Variants in TRIM67 observed in about 807,000 individuals in gnomAD.
TRIM67 encodes tripartite motif-containing protein 67.
TRIM67 carries 39 observed loss-of-function variants against 71.0 expected under a neutral mutation model. That is an observed-to-expected ratio of 0.55 (90% CI 0.43 to 0.72). The LOEUF (loss-of-function observed/expected upper bound fraction) is 0.72. TRIM67 is among the 30% of genes least tolerant of loss of function. TRIM67 has a pLI of 0.00. For missense variants in TRIM67, 973 were observed against 1,079.2 expected (o/e 0.90, Z 1.38); for synonymous variants, 481 against 473.9 (o/e 1.01, Z -0.19).
rs1468987851 is a variant in TRIM67 at position 231,185,229 on chromosome 1, A to G, written c.1045-12142A>G. 4.6e-6 allele frequency: 7 copies of G among 1,532,926 alleles called. No homozygotes were observed. In the Admixed American group the frequency reaches 1.2e-4, roughly 26 times the overall value. 95.0% of individuals were successfully genotyped at this position (1,532,926 alleles called of 1,614,324 possible). ...TCAGGATTCCCAGAGCCTTTATCTG[A>G]AAACTCCCTGTGAGAAAGGAGTCTC... On this transcript the variant is annotated intron_variant, in intron 1 of 9. Transcript: ENST00000366653.
intron 1 of TRIM67, among the ~76,000 whole-genome samples, chr1:231,178,033 A>G (rs1682801605): frequency 6.6e-6 from 1 of 152,218 alleles, no homozygotes; most frequent in South Asian, 2.1e-4. Flanking sequence ...GACAGTATGG[A>G]AAATGAGAAG....
intron 1 of TRIM67, among the ~76,000 whole-genome samples, chr1:231,186,984 G>A (rs773776047): frequency 6.6e-6 from 1 of 152,146 alleles, no homozygotes; most frequent in Non-Finnish European, 1.5e-5. Context: ...ATCCACGGCT[G>A]CCTCATCAGC....
chr1:231,214,678 C>T (rs1267432042), intron 9 of TRIM67, among the ~76,000 whole-genome samples: 1 of 148,972 alleles, frequency 6.7e-6, no homozygotes. Flanking sequence ...ACTCAGGAGG[C>T]TGAGGTAGGA....
intron 8 of TRIM67, among the ~76,000 whole-genome samples, chr1:231,211,593 C>T (rs1231593623): frequency 6.6e-6 from 1 of 152,214 alleles, no homozygotes; most frequent in Non-Finnish European, 1.5e-5. Context: ...TCGGGGGAAA[C>T]CCTGCCTTCT....
At position 231,163,026 on chromosome 1, in the gene TRIM67, C is replaced by A. The variant is rs1192980508; in HGVS notation, c.57C>A (p.Ile19=). The A allele has an allele frequency of 6.2e-7, 1 of 1,612,752 alleles. No individual in the cohort carries two copies. Among genetic ancestry groups the A allele is most frequent in the Admixed American group, 1.7e-5 (1 of 59,938 alleles). Residue 19 remains isoleucine (I), a synonymous_variant, in exon 1 of 10, where the codon ATC becomes ATA. Coordinates refer to ENST00000366653, the MANE Select transcript of TRIM67 (RefSeq NM_001004342.5). Reference sequence around the variant, plus strand: ...GCTCTCTGTTTCGGGAGCCTATCATCCTGCCCTGTTCCCACAATGTCTGCC... The same window carrying A: ...GCTCTCTGTTTCGGGAGCCTATCATACTGCCCTGTTCCCACAATGTCTGCC... ...VCGSLFREPI[I]LPCSHNVCLP...
At chr1:231,165,518 A>T (rs919881517) in intron 1 of TRIM67, among the ~76,000 whole-genome samples, 1 of 152,218 alleles carries the variant, frequency 6.6e-6, no homozygotes. Flanking sequence ...AGAAAGCTAC[A>T]GGGAAGTAGC....
Position 231,220,046 on chromosome 1 carries a change from C to G in TRIM67, c.*4606C>G. 1 of 933,030 alleles carries G rather than the reference C, an allele frequency of 1.1e-6. No homozygotes were observed. Among genetic ancestry groups the G allele is most frequent in the Non-Finnish European group, 1.5e-6 (1 of 663,638 alleles). 57.8% of individuals were successfully genotyped at this position (933,030 alleles called of 1,614,324 possible). On this transcript the variant is annotated 3_prime_UTR_variant, in exon 10 of 10. Transcript: ENST00000366653. The stretch of plus-strand genomic sequence containing the variant: ...CCCACCTGAAATGAGACTAGTCATA[C>G]TAACCTACCTCCTCTGATGTATTGT...
chr1:231,172,081 C>T (rs1328919823), intron 1 of TRIM67, among the ~76,000 whole-genome samples: 1 of 151,836 alleles, frequency 6.6e-6, no homozygotes, highest in Non-Finnish European at 1.5e-5. Context: ...AGCAAGACCC[C>T]AACTCTAAAA....
At chr1:231,186,207 CA>C (rs964308959) in intron 1 of TRIM67, 54 of 1,503,796 alleles carry the variant, frequency 3.6e-5, no homozygotes, top group Non-Finnish European at 4.8e-5. Context: ...CTCTTGAGCC[CA>C]AAGGGCCAGA....
At position 231,219,868 on chromosome 1, in the gene TRIM67, AG is replaced by A; in HGVS notation, c.*4430del. Reference sequence around the variant, plus strand: ...ATCCTGCAGCTTTAACCTAATATCTAGGCTGTAAAAATATGAGGGCAGGTTT... The same window carrying A: ...ATCCTGCAGCTTTAACCTAATATCTAGCTGTAAAAATATGAGGGCAGGTTT... On this transcript the variant is annotated 3_prime_UTR_variant, in exon 10 of 10. Transcript: ENST00000366653. The A allele has an allele frequency of 7.8e-7, 1 of 1,289,714 alleles. No individual in the cohort carries two copies. Among genetic ancestry groups the A allele is most frequent in the Non-Finnish European group, 1.0e-6 (1 of 988,880 alleles). 79.9% of individuals were successfully genotyped at this position (1,289,714 alleles called of 1,614,324 possible). A position where few individuals can be genotyped will look rare whatever the true frequency, so the allele number is the denominator to read the frequency against.
rs1683796912 is a variant in TRIM67 at position 231,209,173 on chromosome 1, C to G, written c.2046C>G (p.Gly682=). ...RASVVKDMML[G]KDDKAWAMYV... ...GCGTGGTCAAGGACATGATGCTGGG[C>G]AAGGATGACAAGGCCTGGGCCATGT... Residue 682 remains glycine, a synonymous_variant, in exon 8 of 10, where the codon GGC becomes GGG. Transcript: ENST00000366653. This position sits in a 1 kb window ranked among gnomAD's most constrained non-coding sequence, Gnocchi z 4.1. 6.2e-7 allele frequency: 1 copy of G among 1,611,664 alleles called. No homozygotes were observed. Among genetic ancestry groups the G allele is most frequent in the African/African-American group, 1.3e-5 (1 of 74,862 alleles).
intron 6 of TRIM67, among the ~76,000 whole-genome samples, chr1:231,205,070 G>A (rs1359686207): frequency 6.6e-6 from 1 of 152,172 alleles, no homozygotes; most frequent in Non-Finnish European, 1.5e-5. Flanking sequence ...CCGAAACCAA[G>A]AGGAGAGCCA....
chr1:231,217,409 T>C lies in TRIM67; in HGVS notation c.*1969T>C. The C allele has an allele frequency of 1.0e-6, 1 of 987,808 alleles. No individual in the cohort carries two copies. The highest frequency in any genetic ancestry group is 1.2e-6 in the Non-Finnish European group (1 of 831,568). The allele number at this position is 987,808 out of a possible 1,614,324, so 61.2% of individuals were successfully genotyped here. Reference sequence around the variant, plus strand: ...GACACACAAGACCTGGGACCCTGTGTCCTTGCCCGCACCTCTGCCTCTGTC... The same window carrying C: ...GACACACAAGACCTGGGACCCTGTGCCCTTGCCCGCACCTCTGCCTCTGTC... On this transcript the variant is annotated 3_prime_UTR_variant, in exon 10 of 10. Transcript: ENST00000366653.
chr1:231,213,119 C>A (rs942880874), intron 8 of TRIM67, among the ~76,000 whole-genome samples: 2 of 152,180 alleles, frequency 1.3e-5, no homozygotes, highest in Admixed American at 6.5e-5. Flanking sequence ...AGCATCCTCA[C>A]TTGCCTAAAA....
intron 3 of TRIM67, 143 bp from the exon 4 acceptor site, chr1:231,200,005 G>A: frequency 1.6e-6 from 1 of 630,136 alleles, no homozygotes; most frequent in East Asian, 2.6e-5. Context: ...TAGCAGCAGA[G>A]CTGAGAGAGG....
In TRIM67 at chr1:231,187,230, C is replaced by G. The variant is rs547142082; in HGVS notation, c.1045-10141C>G. Among the ~76,000 whole-genome samples the G allele has an allele frequency of 8.5e-5, 13 of 152,194 alleles. No homozygotes were observed. In the South Asian group the frequency reaches 2.3e-3, roughly 27 times the overall value. Reference sequence around the variant, plus strand: ...AAAGAAGATGCAGGGAAAAGACCTGCCTCTGTTGGCCCCAGGCTCCCCAAG... The same window carrying G: ...AAAGAAGATGCAGGGAAAAGACCTGGCTCTGTTGGCCCCAGGCTCCCCAAG... On this transcript the variant is annotated intron_variant, in intron 1 of 9. Coordinates refer to ENST00000366653, the MANE Select transcript of TRIM67 (RefSeq NM_001004342.5).
chr1:231,213,817 C>T lies in TRIM67; in HGVS notation c.2126C>T (p.Thr709Met), dbSNP rs764465206. 1.3e-6 allele frequency: 2 copies of T among 1,590,186 alleles called. No homozygotes were observed. The highest frequency in any genetic ancestry group is 1.7e-6 in the Non-Finnish European group (2 of 1,165,928). Residue 709 changes from threonine to methionine, a missense_variant and splice_region_variant, in exon 9 of 10, where the codon ACG becomes ATG. By Grantham distance (81) the Thr-to-Met change is moderately conservative. Transcript: ENST00000366653. ...CTTCCTGGGGACTCTCTTCCCAGGA[C>T]GGAAGGTGGCGTGTGCAAGGGGGCC... The part of the protein sequence containing the change: ...FMHCNSHTNR[T>M]EGGVCKGATV...
chr1:231,201,523 C>T lies in TRIM67; in HGVS notation c.1534+6C>T, dbSNP rs368402317. The T allele has an allele frequency of 2.1e-4, 339 of 1,612,614 alleles. No individual in the cohort carries two copies. Among genetic ancestry groups the T allele is most frequent in the Admixed American group, 8.4e-4 (50 of 59,856 alleles). On this transcript the variant is annotated splice_donor_region_variant and intron_variant, in intron 5 of 9. Transcript: ENST00000366653. ...CATTCAGATGAAATGTAGGGGTGAGCCGCGGTTGGCCCCAGTTCAGTCAGT... is the reference window on the plus strand; with the variant it reads ...CATTCAGATGAAATGTAGGGGTGAGTCGCGGTTGGCCCCAGTTCAGTCAGT...
intron 1 of TRIM67, among the ~76,000 whole-genome samples, chr1:231,193,166 C>G (rs373913547): frequency 1.5e-4 from 23 of 152,330 alleles, no homozygotes; most frequent in African/African-American, 5.3e-4. Flanking sequence ...CTGCAGGGAT[C>G]TATCCCACTC....
Sources: allele counts gnomAD v4.1 joint callset (sites outside exome capture counted in the v4.1 genomes callset), GRCh38; gene constraint gnomAD v4.1.1; non-coding constraint Gnocchi (gnomAD v3.1); transcripts MANE v1.5; gene names NCBI Gene and HGNC (gene_info 2026-07-23, HGNC 2026-07-21).